The following IQSEC3 variants were observed in gnomAD, a reference collection of about 807,000 sequenced individuals.
IQSEC3 encodes IQ motif and Sec7 domain ArfGEF 3, also known as IQ motif and SEC7 domain-containing protein 3.
A neutral mutation model predicts 105.4 loss-of-function variants in IQSEC3; 50 were observed. That is an observed-to-expected ratio of 0.47 (90% confidence interval 0.38 to 0.60). IQSEC3 has a LOEUF of 0.60. IQSEC3 is among the 20% of genes least tolerant of loss of function. The pLI is 0.00. For missense variants in IQSEC3, 1,415 were observed against 1,630.0 expected, an observed-to-expected ratio of 0.87 and a Z score of 2.27; for synonymous variants, 708 against 746.0, an observed-to-expected ratio of 0.95 and a Z score of 0.83.
chr12:103,875 G>T (rs1555077125), intron 2 of IQSEC3, among the ~76,000 whole-genome samples: 1 of 128,702 alleles, frequency 7.8e-6, no homozygotes. Flanking sequence ...CTCGGGAGGG[G>T]AGGCGGGGGC....
At chr12:93,323 G>A (rs1283378435) in intron 1 of IQSEC3, among the ~76,000 whole-genome samples, 1 of 152,230 alleles carries the variant, frequency 6.6e-6, no homozygotes, top group Non-Finnish European at 1.5e-5. Context: ...AGCAGGTTGT[G>A]CCCATGGTCC....
At chr12:76,832 C>G (rs549093403) in intron 1 of IQSEC3, among the ~76,000 whole-genome samples, 12 of 152,374 alleles carry the variant, frequency 7.9e-5, no homozygotes, top group Non-Finnish European at 1.5e-4. Flanking sequence ...TGCAGGATAT[C>G]TCGGCCTAGC....
In IQSEC3 at chr12:111,524, T is replaced by C. The variant is rs952031935; in HGVS notation, c.623+12310T>C. ...GTCTCTGTGTCTGAGCTTTTCCCTG[T>C]GTACTCAGCCTCCCTTACTGGAGGT... On this transcript the variant is annotated intron_variant, in intron 2 of 13. Coordinates refer to ENST00000538872, the MANE Select transcript of IQSEC3 (RefSeq NM_001170738.2). 4.6e-5 allele frequency: 7 copies of C among 152,182 alleles called. No individual in the cohort carries two copies. The East Asian group carries it at 1.3e-3, about 29-fold the overall frequency. 9.4% of individuals were successfully genotyped at this position (152,182 alleles called of 1,614,324 possible). A position where few individuals can be genotyped will look rare whatever the true frequency, so the allele number is the denominator to read the frequency against.
chr12:76,419 G>C, intron 1 of IQSEC3, among the ~76,000 whole-genome samples: 1 of 152,258 alleles, frequency 6.6e-6, no homozygotes, highest in Non-Finnish European at 1.5e-5. Flanking sequence ...TTGGGCTGGG[G>C]GAGTTGGAGG....
intron 3 of IQSEC3, among the ~76,000 whole-genome samples, chr12:137,102 T>C (rs1865795849): frequency 7.5e-6 from 1 of 133,716 alleles, no homozygotes; most frequent in South Asian, 2.7e-4. Context: ...GTGACTCAAA[T>C]TGGGGAACTC....
At chr12:124,564 A>G (rs1865322702) in intron 2 of IQSEC3, among the ~76,000 whole-genome samples, 1 of 152,206 alleles carries the variant, frequency 6.6e-6, no homozygotes, top group African/African-American at 2.4e-5. Flanking sequence ...AGGAAAAGCC[A>G]GTTGCCCAAA....
intron 3 of IQSEC3, among the ~76,000 whole-genome samples, chr12:134,470 A>G (rs1343557513): frequency 6.6e-6 from 1 of 152,240 alleles, no homozygotes; most frequent in African/African-American, 2.4e-5. Flanking sequence ...GGACCCCATC[A>G]CCATTTTGGA....
chr12:166,701 G>A (rs782532305), intron 11 of IQSEC3, among the ~76,000 whole-genome samples: 2 of 152,222 alleles, frequency 1.3e-5, no homozygotes, highest in African/African-American at 4.8e-5. Context: ...GTTATAAAGT[G>A]TTTCTGAACT....
intron 5 of IQSEC3, among the ~76,000 whole-genome samples, chr12:145,423 T>C (rs1487433413): frequency 6.6e-6 from 1 of 152,146 alleles, no homozygotes; most frequent in African/African-American, 2.4e-5. Context: ...ACAGGCTAAA[T>C]GTTAGCTATT....
chr12:130,328 A>T (rs1290323768), intron 3 of IQSEC3, among the ~76,000 whole-genome samples: 1 of 152,138 alleles, frequency 6.6e-6, no homozygotes, highest in Non-Finnish European at 1.5e-5. Context: ...TCCCCGTGAG[A>T]TTGGCACCAT....
intron 5 of IQSEC3, 40 bp downstream of exon 5, chr12:141,325 A>G (rs1555089206): frequency 6.3e-7 from 1 of 1,589,026 alleles, no homozygotes. Flanking sequence ...ACTCCTTCCC[A>G]CACCCCACCT....
In IQSEC3 at chr12:108,763, C is replaced by T. The variant is rs139797121; in HGVS notation, c.623+9549C>T. On this transcript the variant is annotated intron_variant, in intron 2 of 13. Coordinates refer to ENST00000538872, the MANE Select transcript of IQSEC3 (RefSeq NM_001170738.2). ...TCTGCCGGGTCTGGCTCTGGGCCAA[C>T]AGCTGCTGGTTTGAAGAGCTGCCAG... Among the ~76,000 whole-genome samples the T allele has an allele frequency of 4.5e-3, 693 of 152,376 alleles. 1 individual carries two copies. The highest frequency in any genetic ancestry group is 0.023 in the South Asian group (110 of 4,828).
chr12:135,409 T>C lies in IQSEC3; in HGVS notation c.904-2858T>C, dbSNP rs114590329. Among the ~76,000 whole-genome samples, 281 of 152,330 alleles carry C rather than the reference T, an allele frequency of 1.8e-3. 1 individual carries two copies. The highest frequency in any genetic ancestry group is 6.5e-3 in the African/African-American group (271 of 41,578). ...CAGAGGCAAGTATCTGTGTCTCTTATGGGTGCATGAGGTCATACCTAGTAA... is the reference window on the plus strand; with the variant it reads ...CAGAGGCAAGTATCTGTGTCTCTTACGGGTGCATGAGGTCATACCTAGTAA... On this transcript the variant is annotated intron_variant, in intron 3 of 13. Transcript: ENST00000538872.
At chr12:156,068 T>G (rs950649333) in intron 5 of IQSEC3, among the ~76,000 whole-genome samples, 1 of 152,090 alleles carries the variant, frequency 6.6e-6, no homozygotes, top group African/African-American at 2.4e-5. Context: ...CTGGGAGGGT[T>G]CGGCCTCAGA....
intron 13 of IQSEC3, among the ~76,000 whole-genome samples, chr12:173,245 G>A (rs1042522897): frequency 1.3e-5 from 2 of 152,168 alleles, no homozygotes; most frequent in African/African-American, 2.4e-5. Context: ...GGGCACCTTC[G>A]TTTGTTTAGG....
At position 81,453 on chromosome 12, in the gene IQSEC3, G is replaced by A. The variant is rs544990853; in HGVS notation, c.554+14017G>A. On this transcript the variant is annotated intron_variant, in intron 1 of 13. Transcript: ENST00000538872. ...ACAGCCCAGGTAAGAGATGCTAGTAGCTTGGACCAGGGTAGTAGCAATGAA... is the reference window on the plus strand; with the variant it reads ...ACAGCCCAGGTAAGAGATGCTAGTAACTTGGACCAGGGTAGTAGCAATGAA... Among the ~76,000 whole-genome samples, 4 of 152,326 alleles carry A rather than the reference G, an allele frequency of 2.6e-5. No individual in the cohort carries two copies. The South Asian group carries it at 8.3e-4, about 32-fold the overall frequency.
chr12:98,128 G>T (rs1308547593), intron 1 of IQSEC3, among the ~76,000 whole-genome samples: 1 of 152,214 alleles, frequency 6.6e-6, no homozygotes, highest in African/African-American at 2.4e-5. Context: ...CTCTGACTCA[G>T]TAATGCCTAG....
intron 1 of IQSEC3, among the ~76,000 whole-genome samples, chr12:82,168 G>A (rs782088841): frequency 7.2e-5 from 11 of 152,168 alleles, no homozygotes; most frequent in Non-Finnish European, 1.6e-4. Context: ...TGAAGTATTA[G>A]GTGATGTTAG....
chr12:99,799 G>A (rs936936977), intron 2 of IQSEC3, among the ~76,000 whole-genome samples: 3 of 152,074 alleles, frequency 2.0e-5, no homozygotes, highest in African/African-American at 7.2e-5. Context: ...TTATCCTCCT[G>A]CCCTCTGCCT....
Sources: gnomAD v4.1 joint callset for allele counts (sites outside exome capture counted in the v4.1 genomes callset) on GRCh38, gnomAD v4.1.1 for gene constraint, MANE v1.5 for transcripts, NCBI Gene and HGNC (gene_info 2026-07-23, HGNC 2026-07-21) for gene names.